Variants in ALDH3A1 observed in about 807,000 individuals in gnomAD.
ALDH3A1 encodes the protein aldehyde dehydrogenase 3 family member A1, also known as aldehyde dehydrogenase, dimeric NADP-preferring.
ALDH3A1 carries 46 observed loss-of-function variants against 49.9 expected under a neutral mutation model. The ratio of observed to expected loss-of-function variants is 0.92; its 90% CI spans 0.73 to 1.18. The LOEUF (loss-of-function observed/expected upper bound fraction) is 1.18, where lower values mean the gene tolerates loss of function less well. Among genes scored for constraint, ALDH3A1 ranks in the 50% most tolerant of loss-of-function variants. The probability of loss-of-function intolerance (pLI) is 0.00; values close to 1 mark genes in which losing one functional copy is unlikely to be tolerated. For synonymous variants in ALDH3A1, 269 were observed against 253.3 expected (o/e 1.06, Z -0.59); for missense variants, 592 against 611.8 (o/e 0.97, Z 0.34).
rs781389564 is a variant in ALDH3A1, at chr17:19,738,316, C to A, written c.1347+7G>T. The A allele has an allele frequency of 3.0e-5, 48 of 1,613,176 alleles. No individual in the cohort carries two copies. The highest frequency in any genetic ancestry group is 4.0e-5 in the African/African-American group (3 of 74,942). The stretch of plus-strand genomic sequence containing the variant: ...CGGTCTCCCCCACAGCGCCTTCCCC[C>A]TCTCACCTTGGCCGGGCTCGGGGGG... On this transcript the variant is annotated splice_region_variant and intron_variant, in intron 10 of 10. Transcript: ENST00000225740.
intron 2 of ALDH3A1, 73 bp downstream of exon 2, chr17:19,744,895 T>TGCCCCCCCCCCCC: frequency 3.9e-5 from 36 of 924,158 alleles, no homozygotes; most frequent in East Asian, 2.0e-4. Flanking sequence ...GGTCGCACTC[T>TGCCCCCCCCCCCC]CCCCAGCCCC....
rs1447487637 is a variant in ALDH3A1 at position 19,746,862 on chromosome 17, C to CT, written c.-6+1396dup. On this transcript the variant is annotated intron_variant, in intron 1 of 10. Transcript: ENST00000225740. Reference sequence around the variant, plus strand: ...TGTTTTCCTCTTATGCAATGTTTGACTTTTTGCAATGAGCTTGTATTTTTT... The same window carrying CT: ...TGTTTTCCTCTTATGCAATGTTTGACTTTTTTGCAATGAGCTTGTATTTTTT... 2.0e-4 allele frequency among the ~76,000 whole-genome samples: 30 copies of CT among 152,172 alleles called. 1 individual carries two copies. The highest frequency in any genetic ancestry group is 2.0e-3 in the Admixed American group (30 of 15,276).
chr17:19,745,107 A>G lies in ALDH3A1; in HGVS notation c.23T>C (p.Val8Ala). The G allele has an allele frequency of 6.3e-7, 1 of 1,586,532 alleles. No individual in the cohort carries two copies. Among genetic ancestry groups the G allele is most frequent in the Non-Finnish European group, 8.5e-7 (1 of 1,172,464 alleles). ...GCTGAAGGCGGCGCGGGCGCGCTTC[A>G]CGGCCTCGCTGATCTTGCTCATGGC... is the stretch of plus-strand genomic sequence containing the variant. Reference protein sequence around the residue: MSKISEAVKRARAAFSSG... With the variant: MSKISEAAKRARAAFSSG... The change falls in exon 2 of 11, where the codon GTG becomes GCG. Residue 8 changes from valine to alanine, a missense_variant. By Grantham distance (64) the Val-to-Ala change is moderately conservative. Transcript: ENST00000225740.
intron 1 of ALDH3A1, among the ~76,000 whole-genome samples, chr17:19,745,835 T>A (rs1206415594): frequency 6.6e-6 from 1 of 152,254 alleles, no homozygotes; most frequent in Non-Finnish European, 1.5e-5. Context: ...TCAAACATAC[T>A]TCTCTGTGAC....
rs149753259 is a variant in ALDH3A1 at position 19,738,875 on chromosome 17, G to T, written c.1216+121C>A. On this transcript the variant is annotated intron_variant, in intron 9 of 10. Transcript: ENST00000225740. ...GGCACGCAGAGGCCAAGGTCCAAAT[G>T]GAAGAGGCTAATGGGAGGCTGCCGC... 112 of 818,634 alleles carry T rather than the reference G, an allele frequency of 1.4e-4. 1 individual carries two copies. The African/African-American group carries it at 1.7e-3, about 12-fold the overall frequency. The allele number at this position is 818,634 out of a possible 1,614,324, so 50.7% of individuals were successfully genotyped here. A position where few individuals can be genotyped will look rare whatever the true frequency, so the allele number is the denominator to read the frequency against.
Position 19,741,181 on chromosome 17 carries a change from C to G in ALDH3A1, c.719G>C (p.Ser240Thr). The change falls in exon 6 of 11, where the codon AGT becomes ACT. Residue 240 changes from serine to threonine, a missense_variant. Transcript: ENST00000225740. ...RRIAWGKFMN[S>T]GQTCVAPDYI... ...GTCAGGGGCCACGCAGGTCTGGCCA[C>G]TGTTCATGAATTTCCCCCAGGCGAT... The G allele has an allele frequency of 6.2e-7, 1 of 1,614,066 alleles. No homozygotes were observed. Among genetic ancestry groups the G allele is most frequent in the Non-Finnish European group, 8.5e-7 (1 of 1,179,948 alleles).
rs1555546867 is a variant in ALDH3A1 at position 19,744,901 on chromosome 17, G to GCCGCCCC, written c.162+66_162+67insGGGGCGG. ...ACCTCTCTGGGTCGCACTCTCCCCA[G>GCCGCCCC]CCCCTCCCCCCACGCCCCATCGCAT... is the stretch of plus-strand genomic sequence containing the variant. On this transcript the variant is annotated intron_variant, in intron 2 of 10. Transcript: ENST00000225740. 10 of 437,682 alleles carry GCCGCCCC rather than the reference G, an allele frequency of 2.3e-5. No individual in the cohort carries two copies. The African/African-American group carries it at 2.3e-4, about 10-fold the overall frequency. 27.1% of individuals were successfully genotyped at this position (437,682 alleles called of 1,614,324 possible). A position where few individuals can be genotyped will look rare whatever the true frequency, so the allele number is the denominator to read the frequency against.
intron 6 of ALDH3A1, 134 bp downstream of exon 6, chr17:19,740,959 C>G (rs762622274): frequency 1.4e-6 from 1 of 692,542 alleles, no homozygotes; most frequent in East Asian, 2.8e-5. Context: ...AGCCACCATG[C>G]CTAGCTTGCA....
chr17:19,743,908 G>T lies in ALDH3A1; in HGVS notation c.163-445C>A. On this transcript the variant is annotated intron_variant, in intron 2 of 10. Transcript: ENST00000225740. The surrounding 1 kb of genome is among the most constrained non-coding windows in gnomAD (Gnocchi z 4.4). ...GCCCTTTAGTTGTCTGGAGGGGGAT[G>T]CAGGACCAAGGGCTGCTGGGCGCTC... 3 of 985,292 alleles carry T rather than the reference G, an allele frequency of 3.0e-6. No homozygotes were observed. Among genetic ancestry groups the T allele is most frequent in the Non-Finnish European group, 2.4e-6 (2 of 829,868 alleles). 61.0% of individuals were successfully genotyped at this position (985,292 alleles called of 1,614,324 possible). A position where few individuals can be genotyped will look rare whatever the true frequency, so the allele number is the denominator to read the frequency against.
chr17:19,740,599 C>A, intron 6 of ALDH3A1, 122 bp from the exon 7 acceptor site: 1 of 1,091,950 alleles, frequency 9.2e-7, no homozygotes, highest in South Asian at 1.5e-5. Context: ...GAGCTTTTTT[C>A]TTCTTTATGC....
In ALDH3A1 at chr17:19,740,335, C is replaced by T. The variant is rs754303931; in HGVS notation, c.949+1G>A. On this transcript the variant is annotated splice_donor_variant, in intron 7 of 10. Coordinates refer to ENST00000225740, the MANE Select transcript of ALDH3A1 (RefSeq NM_000691.5). LOFTEE classifies it high-confidence loss of function. ...GGCTGTGCTCTTCAGGGGTCACGCA[C>T]CTATGTAGCGAGTGGCGGCATCCCC... 6.2e-7 allele frequency: 1 copy of T among 1,613,870 alleles called. No homozygotes were observed. The highest frequency in any genetic ancestry group is 8.5e-7 in the Non-Finnish European group (1 of 1,179,986).
Position 19,745,125 on chromosome 17 carries a change from C to T in ALDH3A1, c.5G>A (p.Ser2Asn), listed in dbSNP as rs1351034901. The change falls in exon 2 of 11, where the codon AGC becomes AAC. Residue 2 changes from serine to asparagine, a missense_variant. Coordinates refer to ENST00000225740, the MANE Select transcript of ALDH3A1 (RefSeq NM_000691.5). M[S>N]KISEAVKRAR... ...GCGCTTCACGGCCTCGCTGATCTTG[C>T]TCATGGCGCCTGGGGACAGAGAGCA... The T allele has an allele frequency of 2.0e-5, 31 of 1,575,632 alleles. No homozygotes were observed. Among genetic ancestry groups the T allele is most frequent in the Non-Finnish European group, 2.6e-5 (30 of 1,167,266 alleles).
At chr17:19,740,499 T>A in intron 6 of ALDH3A1, 22 bp from the exon 7 acceptor site, 1 of 1,612,690 alleles carries the variant, frequency 6.2e-7, no homozygotes, top group Non-Finnish European at 8.5e-7. Context: ...AGGTGGGGGC[T>A]TCGGGTAAGG....
At chr17:19,747,387 C>T (rs1418800684) in intron 1 of ALDH3A1, among the ~76,000 whole-genome samples, 1 of 152,164 alleles carries the variant, frequency 6.6e-6, no homozygotes, top group African/African-American at 2.4e-5. Context: ...GTCCCATGGG[C>T]CAGGCCCCTC....
rs371742779 is a variant in ALDH3A1 at position 19,740,522 on chromosome 17, G to A, written c.808-45C>T. On this transcript the variant is annotated intron_variant, in intron 6 of 10. Transcript: ENST00000225740. ...GCTTCGGGTAAGGACGCAGAGCCTCGTCCTGCCCAAAGGCTGCACAGACAC... is the reference window on the plus strand; with the variant it reads ...GCTTCGGGTAAGGACGCAGAGCCTCATCCTGCCCAAAGGCTGCACAGACAC... The A allele has an allele frequency of 2.8e-5, 45 of 1,605,818 alleles. No homozygotes were observed. In the East Asian group the frequency reaches 9.1e-4, roughly 33 times the overall value.
In ALDH3A1 at chr17:19,748,194, C is replaced by G; in HGVS notation, c.-6+65G>C. 1 of 389,218 alleles carries G rather than the reference C, an allele frequency of 2.6e-6. No individual in the cohort carries two copies. The highest frequency in any genetic ancestry group is 7.2e-5 in the East Asian group (1 of 13,860). The allele number at this position is 389,218 out of a possible 1,614,324, so 24.1% of individuals were successfully genotyped here. A position where few individuals can be genotyped will look rare whatever the true frequency, so the allele number is the denominator to read the frequency against. ...TGTAGGACTCTTGACACTTAGGGCCCCGGCTCTGAGTGCAGACTCCACCTA... is the reference window on the plus strand; with the variant it reads ...TGTAGGACTCTTGACACTTAGGGCCGCGGCTCTGAGTGCAGACTCCACCTA... On this transcript the variant is annotated intron_variant, in intron 1 of 10. Transcript: ENST00000225740. This position sits in a 1 kb window ranked among gnomAD's most constrained non-coding sequence, Gnocchi z 4.4.
At position 19,738,101 on chromosome 17, in the gene ALDH3A1, A is replaced by G; in HGVS notation, c.*120T>C. ...GGTGTGCACAGGTCAGCAGGTCAGC[A>G]GAGGAGTGGGGCTGGGCTGGGGCTG... On this transcript the variant is annotated 3_prime_UTR_variant, in exon 11 of 11. Coordinates refer to ENST00000225740, the MANE Select transcript of ALDH3A1 (RefSeq NM_000691.5). 1 of 1,594,578 alleles carries G rather than the reference A, an allele frequency of 6.3e-7. No individual in the cohort carries two copies. The highest frequency in any genetic ancestry group is 8.5e-7 in the Non-Finnish European group (1 of 1,176,414).
intron 8 of ALDH3A1, 79 bp from the exon 9 acceptor site, chr17:19,739,174 T>C (rs2086443852): frequency 3.9e-6 from 5 of 1,295,176 alleles, no homozygotes; most frequent in Non-Finnish European, 5.4e-6. Flanking sequence ...TGCCTGGGTA[T>C]AGCCTGGAGC....
chr17:19,744,754 G>A lies in ALDH3A1; in HGVS notation c.162+214C>T, dbSNP rs901710281. On this transcript the variant is annotated intron_variant, in intron 2 of 10. Coordinates refer to ENST00000225740, the MANE Select transcript of ALDH3A1 (RefSeq NM_000691.5). The stretch of plus-strand genomic sequence containing the variant: ...CGCTGCGGGCGGGACGCGGAGGCCG[G>A]GCCAGGAGGAAAAGGCCAGAGGGCG... The A allele has an allele frequency of 2.2e-6, 3 of 1,367,256 alleles. No individual in the cohort carries two copies. The East Asian group carries it at 9.2e-5, about 42-fold the overall frequency. 84.7% of individuals were successfully genotyped at this position (1,367,256 alleles called of 1,614,324 possible).
Sources: gnomAD v4.1 joint callset for allele counts (sites outside exome capture counted in the v4.1 genomes callset) on GRCh38, gnomAD v4.1.1 for gene constraint, Gnocchi (gnomAD v3.1) non-coding constraint, MANE v1.5 for transcripts, NCBI Gene and HGNC (gene_info 2026-07-23, HGNC 2026-07-21) for gene names.